Variants in NDUFA2 observed in about 807,000 individuals in gnomAD.
NDUFA2 encodes NADH:ubiquinone oxidoreductase subunit A2.
A neutral mutation model predicts 11.4 loss-of-function variants in NDUFA2; 9 were observed. The ratio of observed to expected loss-of-function variants is 0.79; its 90% CI spans 0.48 to 1.38. NDUFA2 has a LOEUF of 1.38. Among genes scored for constraint, NDUFA2 ranks in the 40% most tolerant of loss-of-function variants. The pLI is 0.00. For missense variants in NDUFA2, 150 were observed against 131.2 expected (o/e 1.14, Z -0.70); for synonymous variants, 49 against 54.0 (o/e 0.91, Z 0.41).
Position 140,647,370 on chromosome 5 carries a change from G to A in NDUFA2, c.102-8C>T. 1.9e-6 allele frequency: 3 copies of A among 1,611,206 alleles called. No homozygotes were observed. Among genetic ancestry groups the A allele is most frequent in the African/African-American group, 1.3e-5 (1 of 74,972 alleles). The stretch of plus-strand genomic sequence containing the variant: ...CGTTTCTCAATGAAGTCCCTGCGGG[G>A]CCGGAGAGAGCGCCGCGCGTGCTGT... On this transcript the variant is annotated splice_region_variant and splice_polypyrimidine_tract_variant and intron_variant, in intron 1 of 2. Transcript: ENST00000252102.
Position 140,647,604 on chromosome 5 carries a change from C to A in NDUFA2, c.-21G>T, listed in dbSNP as rs751299721. 1 of 1,606,408 alleles carries A rather than the reference C, an allele frequency of 6.2e-7. No individual in the cohort carries two copies. ...GCCATCCTTGTTAATATCGAAGTCG[C>A]CAATTCCAGGTCTTCAGGCCAAGTG... is the stretch of plus-strand genomic sequence containing the variant. On this transcript the variant is annotated 5_prime_UTR_variant, in exon 1 of 3. Transcript: ENST00000252102.
chr5:140,646,466 T>C lies in NDUFA2; in HGVS notation c.209-788A>G, dbSNP rs571331601. 3.3e-5 allele frequency among the ~76,000 whole-genome samples: 5 copies of C among 152,306 alleles called. No homozygotes were observed. In the East Asian group the frequency reaches 9.7e-4, roughly 29 times the overall value. ...TTATTAGTGCATGTCTAATGTCTAC[T>C]GTGTCTCACAGATATCTACTCTGAG... is the stretch of plus-strand genomic sequence containing the variant. On this transcript the variant is annotated intron_variant, in intron 2 of 2. Coordinates refer to ENST00000252102, the MANE Select transcript of NDUFA2 (RefSeq NM_002488.5).
intron 1 of NDUFA2, 56 bp from the exon 2 acceptor site, chr5:140,647,418 C>T (rs1160454115): frequency 6.2e-7 from 1 of 1,610,918 alleles, no homozygotes; most frequent in Non-Finnish European, 8.5e-7. Context: ...CCCTCAACTT[C>T]AGGGAGGTCG....
rs1757338790 is a variant in NDUFA2, at chr5:140,645,407, T to C, written c.*180A>G. 1 of 834,480 alleles carries C rather than the reference T, an allele frequency of 1.2e-6. No homozygotes were observed. The highest frequency in any genetic ancestry group is 2.0e-5 in the Admixed American group (1 of 50,108). The allele number at this position is 834,480 out of a possible 1,614,324, so 51.7% of individuals were successfully genotyped here. ...ATAAAGTTTTATTTTTATATTAAGC[T>C]ACTTTGCCTCAGTGGTTGCACAGTA... On this transcript the variant is annotated 3_prime_UTR_variant, in exon 3 of 3. Transcript: ENST00000252102.
rs1297015955 is a variant in NDUFA2, at chr5:140,645,383, TAA to T, written c.*202_*203del. ...GCTGGTAGCTTTTGATGAGACAGAATAAAGTTTTATTTTTATATTAAGCTACT... is the reference window on the plus strand; with the variant it reads ...GCTGGTAGCTTTTGATGAGACAGAATAGTTTTATTTTTATATTAAGCTACT... On this transcript the variant is annotated 3_prime_UTR_variant, in exon 3 of 3. Coordinates refer to ENST00000252102, the MANE Select transcript of NDUFA2 (RefSeq NM_002488.5). The T allele has an allele frequency of 3.8e-6, 3 of 799,318 alleles. No individual in the cohort carries two copies. The African/African-American group carries it at 5.1e-5, about 14-fold the overall frequency. 49.5% of individuals were successfully genotyped at this position (799,318 alleles called of 1,614,324 possible).
intron 2 of NDUFA2, 70 bp downstream of exon 2, chr5:140,647,186 G>A: frequency 1.4e-6 from 2 of 1,471,806 alleles, no homozygotes; most frequent in Non-Finnish European, 1.8e-6. Context: ...CACGACCTTG[G>A]GCGGTCCCTT....
intron 2 of NDUFA2, among the ~76,000 whole-genome samples, chr5:140,646,249 G>A (rs1339694125): frequency 6.6e-6 from 1 of 152,116 alleles, no homozygotes; most frequent in African/African-American, 2.4e-5. Flanking sequence ...GACCTCAGGT[G>A]ATCCACCTGC....
intron 2 of NDUFA2, among the ~76,000 whole-genome samples, chr5:140,646,268 C>A (rs1757392151): frequency 6.6e-6 from 1 of 152,300 alleles, no homozygotes; most frequent in East Asian, 1.9e-4. Context: ...GCTTCAGCCT[C>A]CCAAAGTGCT....
At chr5:140,647,136 A>G in intron 2 of NDUFA2, 120 bp downstream of exon 2, 1 of 1,084,430 alleles carries the variant, frequency 9.2e-7, no homozygotes, top group Non-Finnish European at 1.3e-6. Flanking sequence ...GATCAACAGC[A>G]AGGCTAAAGT....
At chr5:140,646,336 A>G (rs1219227098) in intron 2 of NDUFA2, among the ~76,000 whole-genome samples, 1 of 152,140 alleles carries the variant, frequency 6.6e-6, no homozygotes, top group Non-Finnish European at 1.5e-5. Flanking sequence ...AGGCTCCCAT[A>G]GGCTATCTAA....
Position 140,647,238 on chromosome 5 carries a change from C to G in NDUFA2, c.208+18G>C, listed in dbSNP as rs188802167. Reference sequence around the variant, plus strand: ...GTTCCCCTACCGGAGCCCCAGACCCCTGGCGTCCCGCACTCACCGTAGCGG... The same window carrying G: ...GTTCCCCTACCGGAGCCCCAGACCCGTGGCGTCCCGCACTCACCGTAGCGG... On this transcript the variant is annotated intron_variant, in intron 2 of 2. Coordinates refer to ENST00000252102, the MANE Select transcript of NDUFA2 (RefSeq NM_002488.5). 3.9e-6 allele frequency: 6 copies of G among 1,530,868 alleles called. No individual in the cohort carries two copies. In the African/African-American group the frequency reaches 8.3e-5, roughly 21 times the overall value. 94.8% of individuals were successfully genotyped at this position (1,530,868 alleles called of 1,614,324 possible). A position where few individuals can be genotyped will look rare whatever the true frequency, so the allele number is the denominator to read the frequency against.
In NDUFA2 at chr5:140,645,356, C is replaced by T; in HGVS notation, c.*231G>A. 1 of 758,380 alleles carries T rather than the reference C, an allele frequency of 1.3e-6. No individual in the cohort carries two copies. The highest frequency in any genetic ancestry group is 2.3e-6 in the Non-Finnish European group (1 of 440,070). The allele number at this position is 758,380 out of a possible 1,614,324, so 47.0% of individuals were successfully genotyped here. ...CCGCCACCCTTCATGTTTGCTTCAG[C>T]AGCTGGTAGCTTTTGATGAGACAGA... On this transcript the variant is annotated 3_prime_UTR_variant, in exon 3 of 3. Coordinates refer to ENST00000252102, the MANE Select transcript of NDUFA2 (RefSeq NM_002488.5).
intron 2 of NDUFA2, among the ~76,000 whole-genome samples, chr5:140,646,433 T>G (rs1156544605): frequency 1.3e-5 from 2 of 152,168 alleles, no homozygotes; most frequent in African/African-American, 4.8e-5. Flanking sequence ...GCTTTTTTCC[T>G]TCTCCAATTA....
chr5:140,646,489 G>C (rs6873370), intron 2 of NDUFA2, among the ~76,000 whole-genome samples: 5,401 of 152,144 alleles, frequency 0.035, 244 homozygotes, highest in African/African-American at 0.11. Context: ...TATCTACTCT[G>C]AGAACCAATC....
At chr5:140,645,864 A>C in intron 2 of NDUFA2, 186 bp from the exon 3 acceptor site, 1 of 1,112,032 alleles carries the variant, frequency 9.0e-7, no homozygotes, top group East Asian at 2.6e-5. Context: ...AGGAAGCCCA[A>C]GTCCAAATAG....
chr5:140,647,271 G>A lies in NDUFA2; in HGVS notation c.193C>T (p.Leu65Phe). Residue 65 changes from leucine to phenylalanine, a missense_variant, in exon 2 of 3, where the codon CTC becomes TTC. Transcript: ENST00000252102. ...IRECSDVQPK[L>F]WARYAFGQET... ...CCGCACTCACCGTAGCGGGCCCAGAGCTTGGGCTGCACATCGGAGCATTCG... is the reference window on the plus strand; with the variant it reads ...CCGCACTCACCGTAGCGGGCCCAGAACTTGGGCTGCACATCGGAGCATTCG... 2 of 1,558,038 alleles carry A rather than the reference G, an allele frequency of 1.3e-6. No individual in the cohort carries two copies. The highest frequency in any genetic ancestry group is 1.7e-6 in the Non-Finnish European group (2 of 1,150,636).
At position 140,645,351 on chromosome 5, in the gene NDUFA2, T is replaced by C. The variant is rs914555928; in HGVS notation, c.*236A>G. On this transcript the variant is annotated 3_prime_UTR_variant, in exon 3 of 3. Coordinates refer to ENST00000252102, the MANE Select transcript of NDUFA2 (RefSeq NM_002488.5). ...CCCCCCCGCCACCCTTCATGTTTGC[T>C]TCAGCAGCTGGTAGCTTTTGATGAG... 5 of 755,244 alleles carry C rather than the reference T, an allele frequency of 6.6e-6. No individual in the cohort carries two copies. Among genetic ancestry groups the C allele is most frequent in the African/African-American group, 1.7e-5 (1 of 57,904 alleles). The allele number at this position is 755,244 out of a possible 1,614,324, so 46.8% of individuals were successfully genotyped here.
intron 2 of NDUFA2, 120 bp from the exon 3 acceptor site, chr5:140,645,798 T>A (rs1227195143): frequency 6.7e-7 from 1 of 1,495,990 alleles, no homozygotes; most frequent in African/African-American, 1.4e-5. Context: ...TAAAGAGATA[T>A]GATCAAAATA....
At position 140,647,622 on chromosome 5, in the gene NDUFA2, G is replaced by A. The variant is rs775201684; in HGVS notation, c.-39C>T. Reference sequence around the variant, plus strand: ...GAAGTCGCCAATTCCAGGTCTTCAGGCCAAGTGCTCCGGTCTGACCAACCG... The same window carrying A: ...GAAGTCGCCAATTCCAGGTCTTCAGACCAAGTGCTCCGGTCTGACCAACCG... On this transcript the variant is annotated 5_prime_UTR_variant, in exon 1 of 3. Transcript: ENST00000252102. 2 of 1,599,228 alleles carry A rather than the reference G, an allele frequency of 1.3e-6. No individual in the cohort carries two copies. Among genetic ancestry groups the A allele is most frequent in the South Asian group, 1.1e-5 (1 of 90,058 alleles).
Sources: allele counts gnomAD v4.1 joint callset (sites outside exome capture counted in the v4.1 genomes callset), GRCh38; gene constraint gnomAD v4.1.1; transcripts MANE v1.5; gene names NCBI Gene and HGNC (gene_info 2026-07-23, HGNC 2026-07-21).